MAD1L1: variants seen among roughly 807,000 people sequenced by gnomAD.
MAD1L1 encodes the protein mitotic arrest deficient 1 like 1, also known as mitotic spindle assembly checkpoint protein MAD1.
MAD1L1 carries 95 observed loss-of-function variants against 96.9 expected under a neutral mutation model. The observed-to-expected ratio is 0.98, with a 90% CI of 0.83 to 1.16. The LOEUF is 1.16. Among genes scored for constraint, MAD1L1 ranks in the 50% most tolerant of loss-of-function variants. The pLI is 0.00. For synonymous variants in MAD1L1, 473 were observed against 396.6 expected (o/e 1.19, Z -2.29); for missense variants, 1,007 against 954.4 (o/e 1.06, Z -0.73).
Position 2,225,388 on chromosome 7 carries a change from C to T in MAD1L1, c.291+22G>A, listed in dbSNP as rs1392070846. On this transcript the variant is annotated intron_variant, in intron 4 of 18. Coordinates refer to ENST00000265854, the MANE Select transcript of MAD1L1 (RefSeq NM_001013836.2). The stretch of plus-strand genomic sequence containing the variant: ...TGCTTCCTGGGGCTGTCTGGGCCGA[C>T]CCTCGCCCCGCCTGAACCCACCTCG... The T allele has an allele frequency of 1.9e-6, 3 of 1,611,496 alleles. No homozygotes were observed. In the South Asian group the frequency reaches 3.3e-5, roughly 18 times the overall value.
At chr7:1,944,188 C>T (rs1191723775) in intron 16 of MAD1L1, among the ~76,000 whole-genome samples, 6 of 152,114 alleles carry the variant, frequency 3.9e-5, no homozygotes, top group South Asian at 2.1e-4. Context: ...ACGCAGTAGC[C>T]GACTGGTGGC....
intron 15 of MAD1L1, among the ~76,000 whole-genome samples, chr7:1,958,229 G>A (rs1433351916): frequency 1.3e-5 from 2 of 152,302 alleles, no homozygotes; most frequent in Admixed American, 6.5e-5. Flanking sequence ...ACAAAAGCAC[G>A]CTTCCAGGCG....
chr7:2,219,978 C>T (rs953277098), intron 5 of MAD1L1, among the ~76,000 whole-genome samples: 24 of 152,148 alleles, frequency 1.6e-4, no homozygotes, highest in Non-Finnish European at 3.5e-4. Flanking sequence ...CAGTGCCCCA[C>T]GCTCCCAAAG....
intron 3 of MAD1L1, among the ~76,000 whole-genome samples, chr7:2,227,410 C>T (rs1031271107): frequency 6.6e-6 from 1 of 152,168 alleles, no homozygotes; most frequent in Admixed American, 6.5e-5. Context: ...CAGTTTTGCC[C>T]CTGGGAACAT....
intron 12 of MAD1L1, among the ~76,000 whole-genome samples, chr7:2,019,306 A>G (rs1015283607): frequency 6.6e-6 from 1 of 152,192 alleles, no homozygotes. Flanking sequence ...CCCTCATCCC[A>G]GCTGGTCGTT....
At chr7:2,031,692 C>A (rs530367312) in intron 12 of MAD1L1, among the ~76,000 whole-genome samples, 1 of 152,262 alleles carries the variant, frequency 6.6e-6, no homozygotes, top group Non-Finnish European at 1.5e-5. Flanking sequence ...TGGCTGCAGA[C>A]GGCCCCTCAC....
intron 18 of MAD1L1, chr7:1,874,528 T>G (rs1033573984): frequency 3.3e-5 from 15 of 455,444 alleles, no homozygotes; most frequent in Admixed American, 7.1e-5. Flanking sequence ...GCACAGCTTG[T>G]GGCTGAGTGC....
intron 10 of MAD1L1, among the ~76,000 whole-genome samples, chr7:2,206,676 T>C (rs867075603): frequency 1.3e-5 from 2 of 152,240 alleles, no homozygotes; most frequent in Non-Finnish European, 2.9e-5. Flanking sequence ...TCTCAATTTA[T>C]GCAATTTACA....
intron 11 of MAD1L1, among the ~76,000 whole-genome samples, chr7:2,102,259 T>C (rs1424687969): frequency 5.6e-5 from 7 of 124,112 alleles, no homozygotes; most frequent in African/African-American, 1.6e-4. Context: ...ACTGTCACCA[T>C]CACCACCATC....
At chr7:2,136,907 T>G (rs1788780316) in intron 11 of MAD1L1, among the ~76,000 whole-genome samples, 1 of 152,096 alleles carries the variant, frequency 6.6e-6, no homozygotes, top group Admixed American at 6.5e-5. Flanking sequence ...CTTACAAAGT[T>G]TACAACAAGT....
At chr7:1,913,882 T>G (rs1332623978) in intron 17 of MAD1L1, among the ~76,000 whole-genome samples, 3 of 152,118 alleles carry the variant, frequency 2.0e-5, no homozygotes, top group African/African-American at 7.2e-5. Context: ...ACAGACTCAG[T>G]CATGCCCCCT....
chr7:1,906,426 C>A (rs927458272), intron 17 of MAD1L1, among the ~76,000 whole-genome samples: 21 of 152,338 alleles, frequency 1.4e-4, no homozygotes, highest in African/African-American at 4.6e-4. Context: ...CTGCATCTGG[C>A]CCTAGCCTGA....
At chr7:2,196,864 G>A (rs1033052404) in intron 10 of MAD1L1, among the ~76,000 whole-genome samples, 1 of 152,164 alleles carries the variant, frequency 6.6e-6, no homozygotes, top group Admixed American at 6.5e-5. Flanking sequence ...GCTCTCAACT[G>A]ACAACAGGAA....
At chr7:2,202,074 G>A (rs899347718) in intron 10 of MAD1L1, 1 of 152,568 alleles carries the variant, frequency 6.6e-6, no homozygotes, top group African/African-American at 2.4e-5. Context: ...GAGCACTGGA[G>A]GCTCCGCCCA....
chr7:1,879,071 C>T (rs931492374), intron 18 of MAD1L1, among the ~76,000 whole-genome samples: 1 of 152,186 alleles, frequency 6.6e-6, no homozygotes, highest in African/African-American at 2.4e-5. Context: ...TAAAAATACA[C>T]ATAACCTGCA....
At chr7:1,866,643 C>G (rs746421844) in intron 18 of MAD1L1, among the ~76,000 whole-genome samples, 6 of 152,198 alleles carry the variant, frequency 3.9e-5, no homozygotes, top group Non-Finnish European at 7.3e-5. Flanking sequence ...GAGGCCATGG[C>G]ACCTCTTGCC....
At chr7:1,944,680 CG>C (rs1313415881) in intron 16 of MAD1L1, among the ~76,000 whole-genome samples, 1 of 152,186 alleles carries the variant, frequency 6.6e-6, no homozygotes, top group African/African-American at 2.4e-5. Flanking sequence ...CCTCCACAGC[CG>C]GAAGAGCCTC....
intron 12 of MAD1L1, among the ~76,000 whole-genome samples, chr7:2,050,476 G>C (rs960845271): frequency 6.6e-6 from 1 of 152,230 alleles, no homozygotes; most frequent in Non-Finnish European, 1.5e-5. Context: ...GCTGTGGCTT[G>C]ACCTTTCTGG....
At position 2,220,798 on chromosome 7, in the gene MAD1L1, G is replaced by C. The variant is rs569177751; in HGVS notation, c.472-1342C>G. 3.1e-6 allele frequency: 4 copies of C among 1,307,954 alleles called. No individual in the cohort carries two copies. In the African/African-American group the frequency reaches 6.0e-5, roughly 20 times the overall value. The allele number at this position is 1,307,954 out of a possible 1,614,324, so 81.0% of individuals were successfully genotyped here. On this transcript the variant is annotated intron_variant, in intron 5 of 18. Coordinates refer to ENST00000265854, the MANE Select transcript of MAD1L1 (RefSeq NM_001013836.2). ...ACCACAACAGTGAAGCATCAACCTG[G>C]GAGTCAACAAAGAAGAAAGGTATTA...
Sources: gnomAD v4.1 joint callset for allele counts (sites outside exome capture counted in the v4.1 genomes callset) on GRCh38, gnomAD v4.1.1 for gene constraint, MANE v1.5 for transcripts, NCBI Gene and HGNC (gene_info 2026-07-23, HGNC 2026-07-21) for gene names.